Variants in ADAMTS18 observed in about 807,000 individuals in gnomAD.
The protein encoded by ADAMTS18 is A disintegrin and metalloproteinase with thrombospondin motifs 18.
A neutral mutation model predicts 165.9 loss-of-function variants in ADAMTS18; 157 were observed. That is an observed-to-expected ratio of 0.95 (90% CI 0.83 to 1.08). The LOEUF (loss-of-function observed/expected upper bound fraction) is 1.08. Among genes scored for constraint, ADAMTS18 ranks in the 50% least tolerant of loss-of-function variants. The pLI is 0.00. For missense variants in ADAMTS18, 2,040 were observed against 1,534.0 expected, an observed-to-expected ratio of 1.33 and a Z score of -5.51; for synonymous variants, 782 against 578.2, an observed-to-expected ratio of 1.35 and a Z score of -5.06.
chr16:77,434,727 C>T lies in ADAMTS18; in HGVS notation c.-32G>A. On this transcript the variant is annotated 5_prime_UTR_variant, in exon 1 of 23. Coordinates refer to ENST00000282849, the MANE Select transcript of ADAMTS18 (RefSeq NM_199355.4). ...GTGCGGACGCGGCGGCTGCGGGTGG[C>T]CAGACGCGGCAGGCGGAGCGCACGG... The T allele has an allele frequency of 7.1e-7, 1 of 1,410,572 alleles. No homozygotes were observed. The highest frequency in any genetic ancestry group is 9.2e-7 in the Non-Finnish European group (1 of 1,082,454). The allele number at this position is 1,410,572 out of a possible 1,614,324, so 87.4% of individuals were successfully genotyped here.
chr16:77,287,816 T>A (rs1290588483), intron 22 of ADAMTS18, among the ~76,000 whole-genome samples: 2 of 152,082 alleles, frequency 1.3e-5, no homozygotes, highest in Non-Finnish European at 2.9e-5. Flanking sequence ...ACCCTATGAC[T>A]CCCCTCATTC....
At chr16:77,418,496 T>C (rs1358273385) in intron 3 of ADAMTS18, among the ~76,000 whole-genome samples, 1 of 152,110 alleles carries the variant, frequency 6.6e-6, no homozygotes, top group African/African-American at 2.4e-5. Context: ...CCTCCTACAA[T>C]GCACAGACAT....
chr16:77,284,348 A>G (rs1364281), intron 22 of ADAMTS18, among the ~76,000 whole-genome samples: 46,361 of 151,994 alleles, frequency 0.31, 7,737 homozygotes, highest in African/African-American at 0.41. Context: ...GGCTGGTCTC[A>G]AATTCCTGAG....
chr16:77,350,631 T>C (rs1444003430), intron 10 of ADAMTS18, among the ~76,000 whole-genome samples: 1 of 152,152 alleles, frequency 6.6e-6, no homozygotes, highest in Non-Finnish European at 1.5e-5. Context: ...GAGATTTGTG[T>C]GTGCAAATGT....
intron 16 of ADAMTS18, among the ~76,000 whole-genome samples, chr16:77,318,362 G>C (rs1057066692): frequency 6.6e-6 from 1 of 152,172 alleles, no homozygotes; most frequent in Non-Finnish European, 1.5e-5. Flanking sequence ...GCCAGTATTG[G>C]TGCTATATTA....
At chr16:77,385,052 A>G (rs2434890) in intron 3 of ADAMTS18, among the ~76,000 whole-genome samples, 135,853 of 151,866 alleles carry the variant, frequency 0.89, 60,899 homozygotes, top group East Asian at 0.96. Context: ...GGGATTACAG[A>G]CGTGCACCAC....
intron 3 of ADAMTS18, among the ~76,000 whole-genome samples, chr16:77,419,135 C>T (rs1448325042): frequency 6.8e-6 from 1 of 146,896 alleles, no homozygotes; most frequent in East Asian, 1.9e-4. Context: ...GATGACAGAG[C>T]TAGACTCCAT....
At chr16:77,323,429 C>T (rs1191659197) in intron 13 of ADAMTS18, among the ~76,000 whole-genome samples, 1 of 152,096 alleles carries the variant, frequency 6.6e-6, no homozygotes. Context: ...TCTCTCCCAT[C>T]TATAATTTTT....
intron 19 of ADAMTS18, among the ~76,000 whole-genome samples, chr16:77,294,612 T>A (rs1338249281): frequency 1.3e-5 from 2 of 152,232 alleles, no homozygotes; most frequent in Non-Finnish European, 2.9e-5. Flanking sequence ...GTTTCCCATT[T>A]GCTTTGGAGA....
intron 3 of ADAMTS18, among the ~76,000 whole-genome samples, chr16:77,399,036 T>A (rs1306925688): frequency 6.6e-6 from 1 of 152,212 alleles, no homozygotes; most frequent in Non-Finnish European, 1.5e-5. Flanking sequence ...GACTGCTATC[T>A]TTTCTTGCAG....
chr16:77,292,060 G>C (rs965843827), intron 20 of ADAMTS18, among the ~76,000 whole-genome samples: 1 of 152,164 alleles, frequency 6.6e-6, no homozygotes, highest in African/African-American at 2.4e-5. Flanking sequence ...AATCACAGCA[G>C]TTTGGAAGTC....
chr16:77,406,370 G>T lies in ADAMTS18; in HGVS notation c.495+24925C>A, dbSNP rs78816916. 2.6e-3 allele frequency among the ~76,000 whole-genome samples: 395 copies of T among 152,236 alleles called. 1 individual carries two copies. Among genetic ancestry groups the T allele is most frequent in the African/African-American group, 9.0e-3 (374 of 41,554 alleles). ...GAGGGTATCTCAAAAGAAACCCACA[G>T]TTAACATCATGTATAATAGTGAAAT... is the stretch of plus-strand genomic sequence containing the variant. On this transcript the variant is annotated intron_variant, in intron 3 of 22. Transcript: ENST00000282849.
intron 20 of ADAMTS18, among the ~76,000 whole-genome samples, chr16:77,292,180 G>C (rs1274003643): frequency 6.6e-6 from 1 of 152,146 alleles, no homozygotes; most frequent in Non-Finnish European, 1.5e-5. Context: ...GCCAGGTATA[G>C]TGGTGCATGC....
intron 10 of ADAMTS18, among the ~76,000 whole-genome samples, chr16:77,352,316 T>C (rs2144710955): frequency 6.6e-6 from 1 of 152,242 alleles, no homozygotes; most frequent in Non-Finnish European, 1.5e-5. Flanking sequence ...AAGGTAGTTA[T>C]TAATGACTGA....
At chr16:77,313,841 T>A (rs2055830646) in intron 16 of ADAMTS18, among the ~76,000 whole-genome samples, 1 of 152,118 alleles carries the variant, frequency 6.6e-6, no homozygotes, top group South Asian at 2.1e-4. Flanking sequence ...GAAAAAGAAG[T>A]CTGCTGCTCA....
intron 12 of ADAMTS18, among the ~76,000 whole-genome samples, chr16:77,327,301 AC>A (rs2056111930): frequency 6.6e-6 from 1 of 152,044 alleles, no homozygotes; most frequent in Non-Finnish European, 1.5e-5. Context: ...TGTACCCTGG[AC>A]CCATTGTGTA....
chr16:77,363,773 T>G lies in ADAMTS18; in HGVS notation c.1056+29A>C, dbSNP rs769186888. 33 of 1,598,746 alleles carry G rather than the reference T, an allele frequency of 2.1e-5. 1 individual carries two copies. The South Asian group carries it at 3.3e-4, about 16-fold the overall frequency. On this transcript the variant is annotated intron_variant, in intron 6 of 22. Transcript: ENST00000282849. ...AATGTATTCTGAACGGCAGACTGAA[T>G]GAAGACATAAATGAAGTTTGCCACT... is the stretch of plus-strand genomic sequence containing the variant.
At chr16:77,346,345 A>T (rs1266262169) in intron 10 of ADAMTS18, among the ~76,000 whole-genome samples, 1 of 152,140 alleles carries the variant, frequency 6.6e-6, no homozygotes, top group African/African-American at 2.4e-5. Context: ...AAGCACCCAA[A>T]ACAGTGCCTG....
intron 6 of ADAMTS18, among the ~76,000 whole-genome samples, chr16:77,362,534 T>C (rs2650905): frequency 0.54 from 81,814 of 152,080 alleles, 22,513 homozygotes; most frequent in Non-Finnish European, 0.59. Flanking sequence ...TTGTTCATCT[T>C]ACCTAGTACT....
Sources: gnomAD v4.1 joint callset for allele counts (sites outside exome capture counted in the v4.1 genomes callset) on GRCh38, gnomAD v4.1.1 for gene constraint, MANE v1.5 for transcripts, NCBI Gene and HGNC (gene_info 2026-07-23, HGNC 2026-07-21) for gene names.